UHRF1: variants seen among roughly 807,000 people sequenced by gnomAD.
UHRF1 encodes the protein ubiquitin like with PHD and ring finger domains 1, also known as E3 ubiquitin-protein ligase UHRF1.
Under a neutral mutation model 96.5 loss-of-function variants are expected in UHRF1, and 9 were observed. That is an observed-to-expected ratio of 0.09 (90% confidence interval 0.06 to 0.16). The LOEUF (loss-of-function observed/expected upper bound fraction) is 0.16, where lower values mean the gene tolerates loss of function less well. Ranked by LOEUF, UHRF1 falls within the 10% of genes least tolerant of loss-of-function variation. The probability of loss-of-function intolerance (pLI) is 1.00; values close to 1 mark genes in which losing one functional copy is unlikely to be tolerated. For missense variants in UHRF1, 626 were observed against 1,131.1 expected (o/e 0.55, Z 6.40); for synonymous variants, 455 against 469.9 (o/e 0.97, Z 0.41).
At chr19:4,940,520 C>T (rs1234020438) in intron 5 of UHRF1, among the ~76,000 whole-genome samples, 1 of 151,410 alleles carries the variant, frequency 6.6e-6, no homozygotes, top group Non-Finnish European at 1.5e-5. Context: ...GCACGGGCCA[C>T]CATGCCCAGC....
intron 13 of UHRF1, among the ~76,000 whole-genome samples, chr19:4,952,703 ACT>A (rs946110661): frequency 1.3e-5 from 2 of 148,676 alleles, no homozygotes; most frequent in Non-Finnish European, 3.0e-5. Context: ...TTTTTTTATG[ACT>A]CTCATCTCCA....
intron 2 of UHRF1, among the ~76,000 whole-genome samples, chr19:4,919,428 G>A (rs1300950846): frequency 2.6e-5 from 4 of 151,564 alleles, no homozygotes; most frequent in East Asian, 1.9e-4. Flanking sequence ...TCAGCCTCCC[G>A]AGTAGCTGGG....
intron 5 of UHRF1, among the ~76,000 whole-genome samples, chr19:4,934,663 G>A (rs1024171599): frequency 1.3e-5 from 2 of 152,176 alleles, no homozygotes; most frequent in East Asian, 1.9e-4. Context: ...GTGATAGTAC[G>A]TGACGTGTTG....
chr19:4,946,822 C>T (rs922118487), intron 10 of UHRF1, among the ~76,000 whole-genome samples: 8 of 152,106 alleles, frequency 5.3e-5, no homozygotes, highest in East Asian at 1.9e-4. Flanking sequence ...GCGATCCTCC[C>T]GCTGCAGCCT....
chr19:4,926,983 C>A (rs2032892719), intron 2 of UHRF1, among the ~76,000 whole-genome samples: 2 of 152,002 alleles, frequency 1.3e-5, no homozygotes, highest in Admixed American at 1.3e-4. Flanking sequence ...GAATGGCGAA[C>A]CTGGGAGGCG....
chr19:4,941,528 G>A lies in UHRF1; in HGVS notation c.786G>A (p.Gly262=), dbSNP rs964566837. The A allele has an allele frequency of 1.2e-6, 2 of 1,612,298 alleles. No individual in the cohort carries two copies. The highest frequency in any genetic ancestry group is 1.3e-5 in the African/African-American group (1 of 74,886). ...GTTCCAGCGTCCTCGTTCCTTGCAG[G>A]GATGATTCTCTGAACGACTGTCGGA... is the stretch of plus-strand genomic sequence containing the variant. ...ARELYANVVL[G]DDSLNDCRII... Residue 262 remains glycine, a splice_region_variant and synonymous_variant, in exon 6 of 17, where the codon GGG becomes GGA. Transcript: ENST00000650932.
chr19:4,956,575 C>T lies in UHRF1; in HGVS notation c.2131-134C>T. 7 of 665,198 alleles carry T rather than the reference C, an allele frequency of 1.1e-5. No individual in the cohort carries two copies. The South Asian group carries it at 1.2e-4, about 11-fold the overall frequency. The allele number at this position is 665,198 out of a possible 1,614,324, so 41.2% of individuals were successfully genotyped here. A position where few individuals can be genotyped will look rare whatever the true frequency, so the allele number is the denominator to read the frequency against. ...CTGTTTTTCTCAGAACGGGGACGAT[C>T]ATGGCCCCCGCCTCCTGGAGTGAAG... On this transcript the variant is annotated intron_variant, in intron 15 of 16. Transcript: ENST00000650932.
intron 1 of UHRF1, chr19:4,909,895 G>C (rs889702706): frequency 7.5e-5 from 28 of 375,166 alleles, no homozygotes; most frequent in Admixed American, 4.6e-4. Flanking sequence ...GCCGGGTGGG[G>C]GAGGGCCTGG....
chr19:4,915,610 G>A (rs572984477), intron 2 of UHRF1, among the ~76,000 whole-genome samples: 283 of 152,244 alleles, frequency 1.9e-3, no homozygotes, highest in Middle Eastern at 0.017. Context: ...TTAGGAGGCT[G>A]AGGCAGGAGA....
chr19:4,911,182 A>C (rs983848629), intron 2 of UHRF1, 144 bp downstream of exon 2: 1 of 761,806 alleles, frequency 1.3e-6, no homozygotes, highest in African/African-American at 1.8e-5. Context: ...GGAGAAGTCC[A>C]CAGAAACCTC....
chr19:4,915,200 C>T (rs1311453048), intron 2 of UHRF1, among the ~76,000 whole-genome samples: 1 of 152,252 alleles, frequency 6.6e-6, no homozygotes, highest in Non-Finnish European at 1.5e-5. Context: ...GGTGTCCCCA[C>T]TGGACGGCCC....
At chr19:4,947,695 T>A (rs1220335019) in intron 11 of UHRF1, among the ~76,000 whole-genome samples, 1 of 151,306 alleles carries the variant, frequency 6.6e-6, no homozygotes, top group African/African-American at 2.4e-5. Context: ...GAGATGGGGT[T>A]TTGCCATGTT....
chr19:4,948,342 C>G (rs1372930773), intron 11 of UHRF1, among the ~76,000 whole-genome samples: 1 of 152,076 alleles, frequency 6.6e-6, no homozygotes, highest in African/African-American at 2.4e-5. Context: ...TAAAAACCAT[C>G]ATAAAGCCCA....
chr19:4,945,362 G>C (rs2033531345), intron 9 of UHRF1, among the ~76,000 whole-genome samples: 1 of 152,118 alleles, frequency 6.6e-6, no homozygotes, highest in African/African-American at 2.4e-5. Flanking sequence ...GGGTTCAAGC[G>C]ATTCTCCTGC....
intron 2 of UHRF1, among the ~76,000 whole-genome samples, chr19:4,911,594 C>T (rs1488429636): frequency 6.6e-6 from 1 of 152,198 alleles, no homozygotes; most frequent in Non-Finnish European, 1.5e-5. Flanking sequence ...TGCTGCTGAC[C>T]TGGGGCGTGT....
chr19:4,962,073 A>G lies in UHRF1; in HGVS notation c.*1270A>G, dbSNP rs2034000723. ...TATTAATGTATTAGGGAAGAATGAGACAATTTTGTGTAGGCTTTTTCTAAA... is the reference window on the plus strand; with the variant it reads ...TATTAATGTATTAGGGAAGAATGAGGCAATTTTGTGTAGGCTTTTTCTAAA... On this transcript the variant is annotated 3_prime_UTR_variant, in exon 17 of 17. Transcript: ENST00000650932. 6.9e-6 allele frequency: 1 copy of G among 144,450 alleles called. No homozygotes were observed. The highest frequency in any genetic ancestry group is 1.6e-5 in the Non-Finnish European group (1 of 64,466). The allele number at this position is 144,450 out of a possible 1,614,324, so 8.9% of individuals were successfully genotyped here.
intron 1 of UHRF1, 24 bp from the exon 2 acceptor site, chr19:4,910,852 G>C: frequency 6.3e-7 from 1 of 1,583,428 alleles, no homozygotes; most frequent in Non-Finnish European, 8.6e-7. Flanking sequence ...AACTGATGGG[G>C]GTTTTTGCTG....
At chr19:4,940,565 C>T (rs764709968) in intron 5 of UHRF1, among the ~76,000 whole-genome samples, 1 of 151,570 alleles carries the variant, frequency 6.6e-6, no homozygotes, top group Non-Finnish European at 1.5e-5. Flanking sequence ...CGGGGTTTCA[C>T]TATGTTGGCC....
In UHRF1 at chr19:4,956,832, G is replaced by A. The variant is rs17883324; in HGVS notation, c.2235+19G>A. 150 of 1,568,576 alleles carry A rather than the reference G, an allele frequency of 9.6e-5. No individual in the cohort carries two copies. In the Admixed American group the frequency reaches 2.0e-3, roughly 21 times the overall value. On this transcript the variant is annotated intron_variant, in intron 16 of 16. Coordinates refer to ENST00000650932, the MANE Select transcript of UHRF1 (RefSeq NM_001048201.3). ...GTGCAAGGTGAGTAGAGATGGCCGC[G>A]GGAGCCGGGTGGAAGGTTCTGGAAG...
Sources: gnomAD v4.1 joint callset for allele counts (sites outside exome capture counted in the v4.1 genomes callset) on GRCh38, gnomAD v4.1.1 for gene constraint, MANE v1.5 for transcripts, NCBI Gene and HGNC (gene_info 2026-07-23, HGNC 2026-07-21) for gene names.